PCM1: variants seen among roughly 807,000 people sequenced by gnomAD.
The protein encoded by PCM1 is pericentriolar material 1 protein.
Under a neutral mutation model 241.9 loss-of-function variants are expected in PCM1, and 157 were observed. The observed-to-expected ratio is 0.65, with a 90% CI of 0.57 to 0.74. PCM1 has a LOEUF of 0.74. Among genes scored for constraint, PCM1 ranks in the 30% least tolerant of loss-of-function variants. PCM1 has a pLI of 0.00. For synonymous variants in PCM1, 1,085 were observed against 784.9 expected, an observed-to-expected ratio of 1.38 and a Z score of -6.39; for missense variants, 3,478 against 2,360.1, an observed-to-expected ratio of 1.47 and a Z score of -9.81.
At chr8:17,937,630 GATTTT>G (rs1189626840) in intron 4 of PCM1, among the ~76,000 whole-genome samples, 69 of 152,130 alleles carry the variant, frequency 4.5e-4, no homozygotes, top group Non-Finnish European at 1.9e-4. Flanking sequence ...TAACTCAAGT[GATTTT>G]ACTATACAAC....
At chr8:17,936,877 C>T (rs1055922081) in intron 3 of PCM1, among the ~76,000 whole-genome samples, 1 of 151,976 alleles carries the variant, frequency 6.6e-6, no homozygotes, top group East Asian at 1.9e-4. Flanking sequence ...TTAGGGTTGG[C>T]ATTTGAGGAT....
chr8:17,964,874 C>G (rs2074204865), intron 18 of PCM1, 106 bp downstream of exon 18: 1 of 798,906 alleles, frequency 1.3e-6, no homozygotes, highest in Non-Finnish European at 2.1e-6. Flanking sequence ...TGTCCTACAA[C>G]TCAATTCAAT....
intron 21 of PCM1, among the ~76,000 whole-genome samples, chr8:17,968,762 G>GTGTGTGTATATATATA (rs373502456): frequency 2.9e-5 from 4 of 136,734 alleles, no homozygotes; most frequent in African/African-American, 1.1e-4. Flanking sequence ...GTGTGTGTGT[G>GTGTGTGTATATATATA]TATATATATA....
At chr8:17,934,782 A>G (rs1362544095) in intron 2 of PCM1, 3 of 152,196 alleles carry the variant, frequency 2.0e-5, no homozygotes, top group African/African-American at 7.2e-5. Flanking sequence ...CAGAAATCTT[A>G]CTTTCTGATG....
intron 23 of PCM1, among the ~76,000 whole-genome samples, chr8:17,979,797 AAAC>A (rs1395717965): frequency 6.6e-6 from 1 of 152,228 alleles, no homozygotes; most frequent in Admixed American, 6.5e-5. Flanking sequence ...TAAAAACAAA[AAAC>A]AACAAAGCTT....
rs1176434495 is a variant in PCM1 at position 18,028,407 on chromosome 8, G to A, written c.*745G>A. 2 of 193,046 alleles carry A rather than the reference G, an allele frequency of 1.0e-5. No individual in the cohort carries two copies. The highest frequency in any genetic ancestry group is 6.1e-5 in the Admixed American group (1 of 16,390). 12.0% of individuals were successfully genotyped at this position (193,046 alleles called of 1,614,324 possible). ...AAAAAAAATAAGCTTTATATAATTA[G>A]GGAGATTTCTGCACAGAGAAGTAAC... On this transcript the variant is annotated 3_prime_UTR_variant, in exon 39 of 39. Coordinates refer to ENST00000325083, the MANE Select transcript of PCM1 (RefSeq NM_006197.4).
intron 2 of PCM1, among the ~76,000 whole-genome samples, chr8:17,930,097 C>T (rs1370040738): frequency 7.1e-6 from 1 of 140,264 alleles, no homozygotes; most frequent in Admixed American, 7.4e-5. Context: ...TATTGGAATA[C>T]TTCCTTTTTT....
At chr8:17,923,353 G>A (rs1245471198) in intron 1 of PCM1, among the ~76,000 whole-genome samples, 165 bp downstream of exon 1, 1 of 152,202 alleles carries the variant, frequency 6.6e-6, no homozygotes, top group Non-Finnish European at 1.5e-5. Flanking sequence ...TGCCCTAGGC[G>A]GTCAGTCCGC....
At chr8:17,953,218 T>C in intron 9 of PCM1, 32 bp downstream of exon 9, 1 of 1,175,524 alleles carries the variant, frequency 8.5e-7, no homozygotes, top group Non-Finnish European at 1.2e-6. Context: ...GTATTGGGTA[T>C]AAGACACACA....
chr8:17,955,424 G>T, intron 9 of PCM1, 46 bp from the exon 10 acceptor site: 2 of 1,383,376 alleles, frequency 1.4e-6, no homozygotes, highest in South Asian at 1.5e-5. Flanking sequence ...TTTGTTTATG[G>T]TAACTGGTGA....
Position 17,964,303 on chromosome 8 carries a change from A to G in PCM1, c.2655-265A>G, listed in dbSNP as rs569263954. Among the ~76,000 whole-genome samples the G allele has an allele frequency of 2.6e-5, 4 of 152,276 alleles. No individual in the cohort carries two copies. In the East Asian group the frequency reaches 7.7e-4, roughly 29 times the overall value. On this transcript the variant is annotated intron_variant, in intron 17 of 38. Transcript: ENST00000325083. ...ACTCCCTCAAGCAAATGTTAAGGGT[A>G]GTTTAGCTTTGGGAAGTAGTCCCAG...
chr8:17,945,472 C>T (rs1481715369), intron 6 of PCM1, among the ~76,000 whole-genome samples: 2 of 152,152 alleles, frequency 1.3e-5, no homozygotes, highest in East Asian at 3.9e-4. Flanking sequence ...ACTGACTAGG[C>T]ACCTCTGATG....
At chr8:17,923,367 C>T (rs1032059473) in intron 1 of PCM1, among the ~76,000 whole-genome samples, 179 bp downstream of exon 1, 8 of 152,340 alleles carry the variant, frequency 5.3e-5, no homozygotes, top group African/African-American at 1.9e-4. Context: ...AGTCCGCCCG[C>T]TCCCTCAGGA....
chr8:18,023,729 A>G (rs2093944638), intron 36 of PCM1, among the ~76,000 whole-genome samples: 1 of 152,190 alleles, frequency 6.6e-6, no homozygotes, highest in Non-Finnish European at 1.5e-5. Flanking sequence ...TGCTACAGTT[A>G]CTGTGTTTTC....
At chr8:17,948,889 C>G (rs535124494) in intron 7 of PCM1, among the ~76,000 whole-genome samples, 3 of 152,076 alleles carry the variant, frequency 2.0e-5, no homozygotes, top group Non-Finnish European at 4.4e-5. Flanking sequence ...GCATAATCTC[C>G]TTTGATCATC....
chr8:17,999,740 A>T (rs208027), intron 29 of PCM1, among the ~76,000 whole-genome samples: 11,407 of 152,074 alleles, frequency 0.075, 621 homozygotes, highest in African/African-American at 0.15. Flanking sequence ...TATTCTTATA[A>T]TGGTGCTTTT....
rs1228101329 is a variant in PCM1, at chr8:17,974,888, C to CACACAAAT, written c.3943+2203_3943+2210dup. Among the ~76,000 whole-genome samples, 3 of 151,078 alleles carry CACACAAAT rather than the reference C, an allele frequency of 2.0e-5. No homozygotes were observed. The East Asian group carries it at 5.8e-4, about 29-fold the overall frequency. On this transcript the variant is annotated intron_variant, in intron 23 of 38. Transcript: ENST00000325083. ...ACACACACACACACACACACACACA[C>CACACAAAT]ACACAAATAAAAGGCTTGATAGCAG...
chr8:17,954,312 A>G (rs377730506), intron 9 of PCM1, among the ~76,000 whole-genome samples: 180 of 152,128 alleles, frequency 1.2e-3, no homozygotes, highest in African/African-American at 4.1e-3. Flanking sequence ...CTGTAATCTC[A>G]GCTACTCCGG....
intron 2 of PCM1, among the ~76,000 whole-genome samples, chr8:17,933,357 C>T (rs535274569): frequency 1.7e-4 from 26 of 152,302 alleles, no homozygotes; most frequent in South Asian, 6.2e-4. Context: ...AACCTCCTGA[C>T]CTCTGTTGCT....
Sources: gnomAD v4.1 joint callset for allele counts (sites outside exome capture counted in the v4.1 genomes callset) on GRCh38, gnomAD v4.1.1 for gene constraint, MANE v1.5 for transcripts, NCBI Gene and HGNC (gene_info 2026-07-23, HGNC 2026-07-21) for gene names.